SYNDIG1L: variants seen among roughly 807,000 people sequenced by gnomAD.
SYNDIG1L encodes synapse differentiation inducing 1 like, also known as synapse differentiation-inducing gene protein 1-like.
Under a neutral mutation model 20.1 loss-of-function variants are expected in SYNDIG1L, and 13 were observed. The ratio of observed to expected loss-of-function variants is 0.65; its 90% CI spans 0.42 to 1.03. The LOEUF is 1.03. Ranked by LOEUF, SYNDIG1L falls within the 50% of genes least tolerant of loss-of-function variation. SYNDIG1L has a pLI of 0.00. For synonymous variants in SYNDIG1L, 128 were observed against 129.3 expected (o/e 0.99, Z 0.07); for missense variants, 294 against 305.1 (o/e 0.96, Z 0.27).
the SYNDIG1L span, among the ~76,000 whole-genome samples, chr14:74,438,036 C>T: frequency 6.6e-6 from 1 of 152,120 alleles, no homozygotes; most frequent in African/African-American, 2.4e-5. Context: ...AAACTCTTGG[C>T]ACCAGATGTT....
At position 74,407,927 on chromosome 14, in the gene SYNDIG1L, G is replaced by A. The variant is rs2086097480; in HGVS notation, c.480C>T (p.Asp160=). ...EDNFLTLPPR[D]HLGLTLFSML... ...TGGAGAAGAGAGTAAGTCCCAGGTGGTCCCTGGGAGGCAGCGTGAGGAAGT... is the reference window on the plus strand; with the variant it reads ...TGGAGAAGAGAGTAAGTCCCAGGTGATCCCTGGGAGGCAGCGTGAGGAAGT... Residue 160 remains aspartate, a synonymous_variant, in exon 3 of 4, where the codon GAC becomes GAT. Coordinates refer to ENST00000331628, the MANE Select transcript of SYNDIG1L (RefSeq NM_001105579.2). The A allele has an allele frequency of 6.8e-6, 11 of 1,613,718 alleles. No individual in the cohort carries two copies. Among genetic ancestry groups the A allele is most frequent in the Non-Finnish European group, 9.3e-6 (11 of 1,179,800 alleles).
the SYNDIG1L span, among the ~76,000 whole-genome samples, chr14:74,469,020 G>A: frequency 6.6e-6 from 1 of 152,074 alleles, no homozygotes. Flanking sequence ...CAAGGCCCTT[G>A]GGGGTCATCC....
At chr14:74,413,674 C>A (rs2086151301) in intron 1 of SYNDIG1L, among the ~76,000 whole-genome samples, 1 of 151,852 alleles carries the variant, frequency 6.6e-6, no homozygotes, top group Non-Finnish European at 1.5e-5. Context: ...TTCTTCTGAG[C>A]CAAATTATCT....
At chr14:74,459,377 G>A in the SYNDIG1L span, among the ~76,000 whole-genome samples, 2 of 152,178 alleles carry the variant, frequency 1.3e-5, no homozygotes, top group Admixed American at 1.3e-4. Context: ...GGTGGTGCAA[G>A]CCTACAGTCC....
the SYNDIG1L span, among the ~76,000 whole-genome samples, chr14:74,478,281 T>C: frequency 1.3e-5 from 2 of 152,156 alleles, no homozygotes; most frequent in Non-Finnish European, 2.9e-5. Flanking sequence ...AGATTAAGAA[T>C]TTTTTTGTCC....
At chr14:74,462,267 T>C in the SYNDIG1L span, among the ~76,000 whole-genome samples, 3 of 151,598 alleles carry the variant, frequency 2.0e-5, no homozygotes, top group African/African-American at 7.3e-5. Flanking sequence ...GTGGATCACC[T>C]GAGGTCAGGA....
the SYNDIG1L span, among the ~76,000 whole-genome samples, chr14:74,437,069 G>C: frequency 1.3e-3 from 195 of 152,218 alleles, 1 homozygote; most frequent in African/African-American, 4.1e-3. Context: ...TCTATCCCTT[G>C]TACCTAGCTT....
At chr14:74,474,858 C>T in the SYNDIG1L span, 1 of 152,090 alleles carries the variant, frequency 6.6e-6, no homozygotes, top group Non-Finnish European at 1.5e-5. Flanking sequence ...ATGGTCTGAT[C>T]CAAGACCTAC....
Position 74,407,989 on chromosome 14 carries a change from TC to T in SYNDIG1L, c.418-1del. The T allele has an allele frequency of 6.2e-7, 1 of 1,607,340 alleles. No individual in the cohort carries two copies. Reference sequence around the variant, plus strand: ...TCACTCTCCGTTGAAGTGGCATCGCTCTGCAAAACAGTGGAGTTTGGTGACC... The same window carrying T: ...TCACTCTCCGTTGAAGTGGCATCGCTTGCAAAACAGTGGAGTTTGGTGACC... On this transcript the variant is annotated splice_acceptor_variant, in intron 2 of 3. Transcript: ENST00000331628. LOFTEE classifies it high-confidence loss of function.
chr14:74,408,643 A>G (rs577852529), intron 2 of SYNDIG1L, among the ~76,000 whole-genome samples: 2 of 152,294 alleles, frequency 1.3e-5, no homozygotes, highest in Admixed American at 6.5e-5. Context: ...AGAACTCACA[A>G]TGGAAGACCA....
At chr14:74,444,954 G>A in the SYNDIG1L span, among the ~76,000 whole-genome samples, 7 of 152,152 alleles carry the variant, frequency 4.6e-5, no homozygotes, top group African/African-American at 9.7e-5. Flanking sequence ...GCAAAAGAAC[G>A]TGTGTATAGT....
chr14:74,469,494 A>G, the SYNDIG1L span, among the ~76,000 whole-genome samples: 2 of 151,638 alleles, frequency 1.3e-5, no homozygotes, highest in Admixed American at 6.6e-5. Context: ...AGTTGTGCAC[A>G]TGTACCCTAG....
At chr14:74,461,492 C>G in the SYNDIG1L span, among the ~76,000 whole-genome samples, 1 of 152,160 alleles carries the variant, frequency 6.6e-6, no homozygotes, top group Admixed American at 6.5e-5. Flanking sequence ...ATCCAGGTGT[C>G]CCTCCTAGAA....
At chr14:74,444,587 CA>C in the SYNDIG1L span, among the ~76,000 whole-genome samples, 1 of 151,178 alleles carries the variant, frequency 6.6e-6, no homozygotes, top group Non-Finnish European at 1.5e-5. Flanking sequence ...CCTGTCTCTA[CA>C]AAAAAAATCC....
In SYNDIG1L at chr14:74,409,373, T is replaced by G. The variant is rs1263412125; in HGVS notation, c.372A>C (p.Val124=). The part of the protein sequence containing the change: ...NVTIQTVSYG[V]QEELRDQEDD... ...CCTCCTGGTCCCGCAGCTCCTCTTG[T>G]ACCCCATAGGACACAGTCTGGATGG... The change falls in exon 2 of 4, where the codon GTA becomes GTC. Residue 124 remains valine, a synonymous_variant. Coordinates refer to ENST00000331628, the MANE Select transcript of SYNDIG1L (RefSeq NM_001105579.2). The G allele has an allele frequency of 6.2e-7, 1 of 1,601,796 alleles. No individual in the cohort carries two copies. The highest frequency in any genetic ancestry group is 1.3e-5 in the African/African-American group (1 of 74,546).
the SYNDIG1L span, among the ~76,000 whole-genome samples, chr14:74,431,310 T>C: frequency 2.0e-5 from 3 of 152,114 alleles, no homozygotes; most frequent in Admixed American, 6.6e-5. Flanking sequence ...AAAGTGAGCC[T>C]TTCTCCCTCT....
chr14:74,451,868 T>C, the SYNDIG1L span, among the ~76,000 whole-genome samples: 1 of 151,108 alleles, frequency 6.6e-6, no homozygotes, highest in Admixed American at 6.6e-5. Flanking sequence ...CACGCGTCTA[T>C]AGTCCCAGCT....
At chr14:74,421,146 T>C (rs903777509) in intron 1 of SYNDIG1L, among the ~76,000 whole-genome samples, 18 of 151,926 alleles carry the variant, frequency 1.2e-4, no homozygotes, top group Admixed American at 7.9e-4. Context: ...CAGGCAGATA[T>C]AAAAGAACAC....
At chr14:74,418,526 C>T (rs953426149) in intron 1 of SYNDIG1L, among the ~76,000 whole-genome samples, 1 of 152,052 alleles carries the variant, frequency 6.6e-6, no homozygotes, top group Non-Finnish European at 1.5e-5. Context: ...GCAAATAATT[C>T]GACACTCTTT....
Sources: gnomAD v4.1 joint callset for allele counts (sites outside exome capture counted in the v4.1 genomes callset) on GRCh38, gnomAD v4.1.1 for gene constraint, MANE v1.5 for transcripts, NCBI Gene and HGNC (gene_info 2026-07-23, HGNC 2026-07-21) for gene names.